The following VAV3 variants were observed in gnomAD, a reference collection of about 807,000 sequenced individuals.
VAV3 encodes guanine nucleotide exchange factor VAV3.
VAV3 carries 94 observed loss-of-function variants against 131.2 expected under a neutral mutation model. The observed-to-expected ratio is 0.72, with a 90% CI of 0.61 to 0.85. VAV3 has a LOEUF of 0.85. VAV3 is among the 40% of genes least tolerant of loss of function. VAV3 has a pLI of 0.00. For missense variants in VAV3, 939 were observed against 1,002.7 expected, an observed-to-expected ratio of 0.94 and a Z score of 0.86; for synonymous variants, 349 against 342.0, an observed-to-expected ratio of 1.02 and a Z score of -0.22.
chr1:107,672,054 G>A (rs1329687268), intron 19 of VAV3: 1 of 152,098 alleles, frequency 6.6e-6, no homozygotes, highest in Non-Finnish European at 1.5e-5. Context: ...GATTACATGA[G>A]GCCAAGAGTT....
chr1:107,899,025 A>G (rs1264972583), intron 1 of VAV3, among the ~76,000 whole-genome samples: 2 of 152,176 alleles, frequency 1.3e-5, no homozygotes, highest in African/African-American at 4.8e-5. Flanking sequence ...TACATTAGAA[A>G]AACAAACAAA....
intron 19 of VAV3, among the ~76,000 whole-genome samples, chr1:107,671,993 T>C (rs1455330349): frequency 6.6e-6 from 1 of 152,008 alleles, no homozygotes; most frequent in African/African-American, 2.4e-5. Context: ...TTAGACTGGG[T>C]GCAGTGGCTC....
chr1:107,784,158 T>A (rs1250179503), intron 2 of VAV3, among the ~76,000 whole-genome samples: 2 of 152,132 alleles, frequency 1.3e-5, no homozygotes, highest in Non-Finnish European at 2.9e-5. Flanking sequence ...ACCTCTCCTC[T>A]CTCTTCTGCC....
At chr1:107,948,942 T>A (rs1012427391) in intron 1 of VAV3, among the ~76,000 whole-genome samples, 8 of 152,340 alleles carry the variant, frequency 5.3e-5, no homozygotes, top group Non-Finnish European at 1.0e-4. Flanking sequence ...GGTTTTTTAA[T>A]TACTGAATCC....
intron 1 of VAV3, among the ~76,000 whole-genome samples, chr1:107,918,042 T>C (rs1240705084): frequency 1.3e-5 from 2 of 152,208 alleles, no homozygotes; most frequent in African/African-American, 4.8e-5. Context: ...ACCTTTCCTA[T>C]GGGAACCACA....
intron 2 of VAV3, among the ~76,000 whole-genome samples, chr1:107,851,121 G>A (rs1055455838): frequency 1.1e-4 from 16 of 150,312 alleles, no homozygotes; most frequent in African/African-American, 3.2e-4. Flanking sequence ...GCAGTGAGCC[G>A]GGATAGCGCC....
intron 15 of VAV3, among the ~76,000 whole-genome samples, chr1:107,734,799 G>A (rs574315326): frequency 5.3e-5 from 8 of 152,194 alleles, no homozygotes; most frequent in South Asian, 2.1e-4. Flanking sequence ...ACAGATCAAC[G>A]AAACAGAAGG....
At chr1:107,940,855 GT>G (rs1171318560) in intron 1 of VAV3, among the ~76,000 whole-genome samples, 1 of 152,166 alleles carries the variant, frequency 6.6e-6, no homozygotes, top group East Asian at 1.9e-4. Flanking sequence ...TAGAGTTTCA[GT>G]TGGGGAAGAT....
intron 15 of VAV3, among the ~76,000 whole-genome samples, chr1:107,705,887 C>T (rs1039873782): frequency 6.6e-6 from 1 of 152,124 alleles, no homozygotes; most frequent in Non-Finnish European, 1.5e-5. Flanking sequence ...CAGGTCTTTG[C>T]TTTTGGCCAC....
chr1:107,655,480 A>G (rs1656474965), intron 19 of VAV3, among the ~76,000 whole-genome samples: 1 of 152,146 alleles, frequency 6.6e-6, no homozygotes, highest in African/African-American at 2.4e-5. Context: ...AGCAAACTAT[A>G]TTAAAGACTT....
At chr1:107,954,151 A>G (rs1338091646) in intron 1 of VAV3, among the ~76,000 whole-genome samples, 1 of 152,260 alleles carries the variant, frequency 6.6e-6, no homozygotes, top group Non-Finnish European at 1.5e-5. Flanking sequence ...AAAACATGAT[A>G]AAATAATGCT....
chr1:107,950,520 G>A (rs1035297922), intron 1 of VAV3, among the ~76,000 whole-genome samples: 3 of 152,146 alleles, frequency 2.0e-5, no homozygotes, highest in African/African-American at 7.2e-5. Flanking sequence ...CCAAGAGGGT[G>A]TTGTTATGAG....
intron 2 of VAV3, among the ~76,000 whole-genome samples, chr1:107,855,309 C>T (rs1016033881): frequency 1.3e-5 from 2 of 152,138 alleles, no homozygotes; most frequent in South Asian, 2.1e-4. Flanking sequence ...CAGAGTCTTG[C>T]TCTGTCACCC....
At chr1:107,776,657 T>C (rs373146295) in intron 4 of VAV3, among the ~76,000 whole-genome samples, 3 of 152,226 alleles carry the variant, frequency 2.0e-5, no homozygotes, top group Non-Finnish European at 4.4e-5. Flanking sequence ...TTTGCAAACA[T>C]GCCTGATCCA....
At chr1:107,645,257 G>T (rs1655651890) in intron 19 of VAV3, among the ~76,000 whole-genome samples, 1 of 151,598 alleles carries the variant, frequency 6.6e-6, no homozygotes, top group Non-Finnish European at 1.5e-5. Context: ...ACAAAGTATA[G>T]TGTTTCTTCA....
intron 1 of VAV3, among the ~76,000 whole-genome samples, chr1:107,957,223 G>C (rs960430212): frequency 1.8e-4 from 27 of 152,130 alleles, no homozygotes; most frequent in African/African-American, 6.5e-4. Flanking sequence ...CTCTTTCTCT[G>C]TATCTAAAAG....
At chr1:107,814,214 G>C (rs1667466393) in intron 2 of VAV3, among the ~76,000 whole-genome samples, 1 of 151,894 alleles carries the variant, frequency 6.6e-6, no homozygotes, top group African/African-American at 2.4e-5. Context: ...TCTATTTTTG[G>C]GGAAATCTTC....
intron 15 of VAV3, among the ~76,000 whole-genome samples, chr1:107,721,579 CATG>C (rs1661503681): frequency 6.6e-6 from 1 of 152,142 alleles, no homozygotes; most frequent in African/African-American, 2.4e-5. Context: ...AGGAAAGAAA[CATG>C]ATGAGAGCTG....
intron 25 of VAV3, among the ~76,000 whole-genome samples, chr1:107,591,412 GATGA>G (rs144004213): frequency 0.014 from 2,158 of 151,998 alleles, 53 homozygotes; most frequent in African/African-American, 0.05. Context: ...AGGATAAAGG[GATGA>G]ATGAATGAAT....
Sources: allele counts gnomAD v4.1 joint callset (sites outside exome capture counted in the v4.1 genomes callset), GRCh38; gene constraint gnomAD v4.1.1; transcripts MANE v1.5; gene names NCBI Gene and HGNC (gene_info 2026-07-23, HGNC 2026-07-21).